Variants in ERBB4 observed in about 807,000 individuals in gnomAD.
ERBB4 encodes erb-b2 receptor tyrosine kinase 4, also known as receptor tyrosine-protein kinase erbB-4.
ERBB4 carries 42 observed loss-of-function variants against 158.0 expected under a neutral mutation model. The observed-to-expected ratio is 0.27, with a 90% CI of 0.21 to 0.34. ERBB4 has a LOEUF of 0.34. Among genes scored for constraint, ERBB4 ranks in the 10% least tolerant of loss-of-function variants. The pLI, the probability that ERBB4 is intolerant of heterozygous loss-of-function variation, is 1.00. For missense variants in ERBB4, 1,333 were observed against 1,624.1 expected (o/e 0.82, Z 3.08); for synonymous variants, 583 against 558.7 (o/e 1.04, Z -0.61).
chr2:212,227,459 C>A (rs1338793692), intron 1 of ERBB4, among the ~76,000 whole-genome samples: 2 of 152,036 alleles, frequency 1.3e-5, no homozygotes, highest in Admixed American at 1.3e-4. Context: ...CTTTCCTGAA[C>A]AAAGCTTTGC....
At chr2:211,589,018 AT>A (rs1372527075) in intron 19 of ERBB4, among the ~76,000 whole-genome samples, 1 of 152,154 alleles carries the variant, frequency 6.6e-6, no homozygotes, top group South Asian at 2.1e-4. Flanking sequence ...CAAGAAGAAA[AT>A]AAATATAACT....
intron 1 of ERBB4, among the ~76,000 whole-genome samples, chr2:212,172,972 A>C (rs1338419622): frequency 2.0e-5 from 3 of 152,138 alleles, no homozygotes; most frequent in African/African-American, 4.8e-5. Context: ...GAAATGTAAA[A>C]AATAGGTCTA....
At chr2:212,216,622 C>CA (rs2083107671) in intron 1 of ERBB4, among the ~76,000 whole-genome samples, 2 of 150,698 alleles carry the variant, frequency 1.3e-5, no homozygotes, top group South Asian at 4.2e-4. Flanking sequence ...TGAATATACA[C>CA]AAAAAAAGAA....
intron 3 of ERBB4, among the ~76,000 whole-genome samples, chr2:211,879,117 A>G (rs1286855901): frequency 6.6e-6 from 1 of 152,152 alleles, no homozygotes; most frequent in African/African-American, 2.4e-5. Context: ...CTGCATTCTT[A>G]TCTACATTCT....
intron 4 of ERBB4, among the ~76,000 whole-genome samples, chr2:211,775,189 T>C (rs939397552): frequency 1.3e-5 from 2 of 152,180 alleles, no homozygotes; most frequent in Non-Finnish European, 1.5e-5. Context: ...CCAGGCTCAG[T>C]AGGGTTGTCA....
At chr2:212,196,595 A>G (rs1450840077) in intron 1 of ERBB4, among the ~76,000 whole-genome samples, 2 of 152,176 alleles carry the variant, frequency 1.3e-5, no homozygotes, top group African/African-American at 4.8e-5. Flanking sequence ...AAATGATGCA[A>G]TATAATTATA....
At chr2:211,611,505 C>A (rs1331448258) in intron 19 of ERBB4, among the ~76,000 whole-genome samples, 3 of 150,896 alleles carry the variant, frequency 2.0e-5, no homozygotes, top group Non-Finnish European at 4.4e-5. Context: ...CCAGCTGTAA[C>A]ACTTGCTGCT....
At position 211,549,717 on chromosome 2, in the gene ERBB4, T is replaced by C. The variant is rs113687287; in HGVS notation, c.2487+12186A>G. Among the ~76,000 whole-genome samples the C allele has an allele frequency of 6.6e-3, 1,007 of 152,242 alleles. 10 individuals carry two copies. The highest frequency in any genetic ancestry group is 0.023 in the African/African-American group (968 of 41,572). On this transcript the variant is annotated intron_variant, in intron 20 of 27. Transcript: ENST00000342788. ...CAGATTCCTGAGCAATAAACACTTATGTGTCAAATAAAATAGAGAGGAAGA... is the reference window on the plus strand; with the variant it reads ...CAGATTCCTGAGCAATAAACACTTACGTGTCAAATAAAATAGAGAGGAAGA...
At chr2:212,433,468 T>G (rs902961153) in intron 1 of ERBB4, among the ~76,000 whole-genome samples, 1 of 152,012 alleles carries the variant, frequency 6.6e-6, no homozygotes, top group African/African-American at 2.4e-5. Context: ...AAGGCCAACA[T>G]ATTCAATCAC....
intron 1 of ERBB4, among the ~76,000 whole-genome samples, chr2:212,458,493 G>C (rs1050481156): frequency 9.2e-5 from 14 of 152,104 alleles, no homozygotes; most frequent in African/African-American, 3.4e-4. Flanking sequence ...CATATAGAGA[G>C]AGGAAGATGA....
chr2:212,267,834 T>G (rs974619502), intron 1 of ERBB4, among the ~76,000 whole-genome samples: 145 of 151,030 alleles, frequency 9.6e-4, no homozygotes, highest in African/African-American at 3.3e-3. Context: ...TCAAAATTTC[T>G]ATACCTGGCA....
At chr2:211,454,350 T>C (rs192707809) in intron 20 of ERBB4, among the ~76,000 whole-genome samples, 317 of 152,308 alleles carry the variant, frequency 2.1e-3, no homozygotes, top group Non-Finnish European at 3.3e-3. Flanking sequence ...CATCAATCAG[T>C]AGGATGTTGT....
At chr2:212,190,400 G>A (rs908588976) in intron 1 of ERBB4, among the ~76,000 whole-genome samples, 3 of 152,114 alleles carry the variant, frequency 2.0e-5, no homozygotes, top group Non-Finnish European at 2.9e-5. Context: ...AGCCGGGCGT[G>A]GTGGCAGGTG....
intron 19 of ERBB4, among the ~76,000 whole-genome samples, chr2:211,601,654 T>C (rs1208968384): frequency 6.6e-6 from 1 of 152,086 alleles, no homozygotes; most frequent in Non-Finnish European, 1.5e-5. Context: ...TTGGAAAATA[T>C]TTGCAAAATA....
At chr2:211,436,151 T>C (rs2063847955) in intron 20 of ERBB4, among the ~76,000 whole-genome samples, 1 of 152,174 alleles carries the variant, frequency 6.6e-6, no homozygotes, top group Non-Finnish European at 1.5e-5. Context: ...TAAAAGGCAC[T>C]AGTACTTTGG....
chr2:211,479,265 T>TC (rs1463916421), intron 20 of ERBB4, among the ~76,000 whole-genome samples: 1 of 152,112 alleles, frequency 6.6e-6, no homozygotes, highest in Non-Finnish European at 1.5e-5. Context: ...GCTAAATAGC[T>TC]CCCCTCTATT....
intron 20 of ERBB4, among the ~76,000 whole-genome samples, chr2:211,549,249 G>A (rs1215222527): frequency 6.6e-6 from 1 of 152,088 alleles, no homozygotes; most frequent in African/African-American, 2.4e-5. Flanking sequence ...AGGTTTTGTT[G>A]TCTGAGAAAT....
At chr2:211,763,491 T>C (rs533003418) in intron 4 of ERBB4, among the ~76,000 whole-genome samples, 2 of 152,222 alleles carry the variant, frequency 1.3e-5, no homozygotes, top group Non-Finnish European at 2.9e-5. Flanking sequence ...TAAACCAACA[T>C]TTCCTTTACT....
chr2:211,406,945 T>C (rs1259567605), intron 25 of ERBB4, among the ~76,000 whole-genome samples: 1 of 152,002 alleles, frequency 6.6e-6, no homozygotes, highest in Non-Finnish European at 1.5e-5. Context: ...CTGGGTTTGA[T>C]GGTGCATGCC....
Sources: allele counts gnomAD v4.1 joint callset (sites outside exome capture counted in the v4.1 genomes callset), GRCh38; gene constraint gnomAD v4.1.1; transcripts MANE v1.5; gene names NCBI Gene and HGNC (gene_info 2026-07-23, HGNC 2026-07-21).